Variants in GALNTL6 observed in about 807,000 individuals in gnomAD.
The protein encoded by GALNTL6 is polypeptide N-acetylgalactosaminyltransferase-like 6.
In GALNTL6, 46 loss-of-function variants were observed where a neutral mutation model predicts 73.7. That is an observed-to-expected ratio of 0.62 (90% CI 0.49 to 0.80). The LOEUF is 0.80. GALNTL6 is among the 30% of genes least tolerant of loss of function. The probability of loss-of-function intolerance (pLI) is 0.00; values close to 1 mark genes in which losing one functional copy is unlikely to be tolerated. For missense variants in GALNTL6, 604 were observed against 755.0 expected (o/e 0.80, Z 2.34); for synonymous variants, 259 against 263.7 (o/e 0.98, Z 0.17).
chr4:172,545,756 G>A (rs570645127), intron 5 of GALNTL6: 7 of 152,114 alleles, frequency 4.6e-5, no homozygotes, highest in Non-Finnish European at 8.8e-5. Context: ...TCAGTGAGTC[G>A]ATTTATATAC....
At chr4:171,991,714 G>GTGTA (rs1424857357) in intron 2 of GALNTL6, among the ~76,000 whole-genome samples, 4 of 68,622 alleles carry the variant, frequency 5.8e-5, no homozygotes, top group Non-Finnish European at 1.6e-4. Context: ...TTGATTATAT[G>GTGTA]TGTGTGTGTG....
At chr4:172,037,183 C>T (rs1303181612) in intron 2 of GALNTL6, among the ~76,000 whole-genome samples, 2 of 152,072 alleles carry the variant, frequency 1.3e-5, no homozygotes, top group Non-Finnish European at 2.9e-5. Context: ...CTAGTACATG[C>T]CCTGTCACTT....
intron 3 of GALNTL6, among the ~76,000 whole-genome samples, chr4:172,300,834 C>T (rs1391392075): frequency 6.6e-6 from 1 of 152,068 alleles, no homozygotes; most frequent in East Asian, 1.9e-4. Context: ...GTGAATCTGA[C>T]AATTATGTGT....
In GALNTL6 at chr4:171,850,049, T is replaced by C. The variant is rs142778088; in HGVS notation, c.138+35331T>C. The stretch of plus-strand genomic sequence containing the variant: ...GGTGCAATCTCGGCTCACTGCAACC[T>C]CTGCTTCCCGGTTTCAAGCGATTCT... On this transcript the variant is annotated intron_variant, in intron 2 of 12. Coordinates refer to ENST00000506823, the MANE Select transcript of GALNTL6 (RefSeq NM_001034845.3). Among the ~76,000 whole-genome samples, 367 of 152,296 alleles carry C rather than the reference T, an allele frequency of 2.4e-3. 2 individuals carry two copies. Among genetic ancestry groups the C allele is most frequent in the African/African-American group, 8.2e-3 (342 of 41,562 alleles).
At chr4:172,432,334 C>T (rs1003329717) in intron 5 of GALNTL6, among the ~76,000 whole-genome samples, 1 of 151,644 alleles carries the variant, frequency 6.6e-6, no homozygotes, top group Non-Finnish European at 1.5e-5. Context: ...GTCCCTTGCT[C>T]TGTCAGTAGT....
intron 2 of GALNTL6, among the ~76,000 whole-genome samples, chr4:171,966,614 C>T (rs1739389214): frequency 6.6e-6 from 1 of 152,136 alleles, no homozygotes; most frequent in Non-Finnish European, 1.5e-5. Flanking sequence ...GGAGAAGGGC[C>T]TGTAAAGCAT....
intron 5 of GALNTL6, among the ~76,000 whole-genome samples, chr4:172,543,753 A>G (rs1476090826): frequency 6.6e-6 from 1 of 152,218 alleles, no homozygotes; most frequent in African/African-American, 2.4e-5. Context: ...TGTACTGCCA[A>G]TACTGGAAAT....
At chr4:172,902,138 C>T (rs1561023756) in intron 8 of GALNTL6, among the ~76,000 whole-genome samples, 1 of 152,096 alleles carries the variant, frequency 6.6e-6, no homozygotes, top group Non-Finnish European at 1.5e-5. Context: ...TGAGACAGAC[C>T]TAACGATGTG....
intron 5 of GALNTL6, among the ~76,000 whole-genome samples, chr4:172,521,812 G>GAAATAAAGTGAAATTA (rs1337261331): frequency 2.6e-5 from 4 of 152,138 alleles, no homozygotes; most frequent in Non-Finnish European, 5.9e-5. Flanking sequence ...ATGTTGGACT[G>GAAATAAAGTGAAATTA]AAATAAAGTG....
At chr4:172,189,626 T>G (rs1735513408) in intron 2 of GALNTL6, among the ~76,000 whole-genome samples, 1 of 152,198 alleles carries the variant, frequency 6.6e-6, no homozygotes, top group Admixed American at 6.5e-5. Context: ...AATTCTTTCA[T>G]TAGTCACAGA....
intron 5 of GALNTL6, among the ~76,000 whole-genome samples, chr4:172,804,117 T>C (rs1000369496): frequency 6.6e-6 from 1 of 152,210 alleles, no homozygotes; most frequent in African/African-American, 2.4e-5. Context: ...TCAAAATATA[T>C]ACATGACATA....
chr4:171,830,116 G>A (rs2110822424), intron 2 of GALNTL6, among the ~76,000 whole-genome samples: 1 of 152,198 alleles, frequency 6.6e-6, no homozygotes, highest in African/African-American at 2.4e-5. Context: ...GACGAAGGCA[G>A]GAATTAGAGT....
intron 5 of GALNTL6, among the ~76,000 whole-genome samples, chr4:172,778,017 A>C (rs2110887056): frequency 6.6e-6 from 1 of 152,384 alleles, no homozygotes; most frequent in African/African-American, 2.4e-5. Context: ...AACAATACTA[A>C]GCATAAAGCC....
intron 5 of GALNTL6, among the ~76,000 whole-genome samples, chr4:172,702,097 C>A (rs1228376493): frequency 1.3e-5 from 2 of 151,960 alleles, no homozygotes; most frequent in Non-Finnish European, 2.9e-5. Flanking sequence ...GAAAATTCTC[C>A]TAATTCAAGT....
intron 7 of GALNTL6, among the ~76,000 whole-genome samples, chr4:172,860,157 T>C (rs929910091): frequency 1.3e-5 from 2 of 152,228 alleles, no homozygotes; most frequent in African/African-American, 2.4e-5. Flanking sequence ...TTGTGTTTTA[T>C]GCTTTATAGG....
chr4:172,086,027 A>G (rs1205015421), intron 2 of GALNTL6, among the ~76,000 whole-genome samples: 1 of 152,104 alleles, frequency 6.6e-6, no homozygotes, highest in Admixed American at 6.6e-5. Context: ...TTACACCACC[A>G]TAGAGAGTTT....
chr4:172,441,302 T>TGCA, intron 5 of GALNTL6, among the ~76,000 whole-genome samples: 1 of 152,178 alleles, frequency 6.6e-6, no homozygotes, highest in South Asian at 2.1e-4. Context: ...CTATAGTTAT[T>TGCA]ATTATTTCTG....
intron 2 of GALNTL6, among the ~76,000 whole-genome samples, chr4:171,948,145 A>AT (rs1738757269): frequency 7.6e-6 from 1 of 131,884 alleles, no homozygotes; most frequent in African/African-American, 2.9e-5. Context: ...TAGAAAGAAA[A>AT]TGATCTTTAA....
At chr4:171,876,577 T>C (rs1169342697) in intron 2 of GALNTL6, among the ~76,000 whole-genome samples, 1 of 152,208 alleles carries the variant, frequency 6.6e-6, no homozygotes. Flanking sequence ...AAAAGTCACA[T>C]GAACGGTGGA....
Sources: allele counts gnomAD v4.1 joint callset (sites outside exome capture counted in the v4.1 genomes callset), GRCh38; gene constraint gnomAD v4.1.1; transcripts MANE v1.5; gene names NCBI Gene and HGNC (gene_info 2026-07-23, HGNC 2026-07-21).